Variants in ATG7 observed in about 807,000 individuals in gnomAD.
ATG7 encodes the protein autophagy related 7, also known as ubiquitin-like modifier-activating enzyme ATG7.
In ATG7, 70 loss-of-function variants were observed where a neutral mutation model predicts 82.4. That is an observed-to-expected ratio of 0.85 (90% CI 0.70 to 1.04). The LOEUF (loss-of-function observed/expected upper bound fraction) is 1.04. ATG7 is among the 50% of genes least tolerant of loss of function. The probability of loss-of-function intolerance (pLI) is 0.00; values close to 1 mark genes in which losing one functional copy is unlikely to be tolerated. For missense variants in ATG7, 792 were observed against 864.3 expected (o/e 0.92, Z 1.05); for synonymous variants, 287 against 313.0 (o/e 0.92, Z 0.88).
At chr3:11,410,340 A>T (rs538213139) in intron 19 of ATG7, among the ~76,000 whole-genome samples, 312 of 152,024 alleles carry the variant, frequency 2.1e-3, no homozygotes, top group African/African-American at 6.9e-3. Context: ...ATTTTTTTTT[A>T]AATTAAAATT....
intron 20 of ATG7, among the ~76,000 whole-genome samples, chr3:11,471,079 T>A (rs1473481785): frequency 3.3e-5 from 5 of 152,250 alleles, no homozygotes; most frequent in African/African-American, 9.6e-5. Context: ...AGCCCAGCCC[T>A]TAGTCTCTGT....
At chr3:11,337,582 G>C (rs1220424070) in intron 11 of ATG7, among the ~76,000 whole-genome samples, 5 of 151,890 alleles carry the variant, frequency 3.3e-5, no homozygotes, top group African/African-American at 1.2e-4. Context: ...TGCCATATGT[G>C]TTATTTTTTT....
intron 20 of ATG7, among the ~76,000 whole-genome samples, chr3:11,495,593 G>C (rs772636432): frequency 1.3e-5 from 2 of 152,150 alleles, no homozygotes; most frequent in Non-Finnish European, 2.9e-5. Flanking sequence ...AAGACAAACT[G>C]TTTAGGAGAT....
intron 20 of ATG7, among the ~76,000 whole-genome samples, chr3:11,549,509 C>T (rs1051412647): frequency 2.0e-5 from 3 of 152,312 alleles, no homozygotes; most frequent in Admixed American, 6.5e-5. Flanking sequence ...CCATTCCCCA[C>T]CCCTTCCAGT....
chr3:11,418,543 T>C (rs186578940), intron 19 of ATG7, among the ~76,000 whole-genome samples: 16 of 152,340 alleles, frequency 1.1e-4, no homozygotes, highest in Admixed American at 9.2e-4. Context: ...GGCCTCCCTA[T>C]AACTAGGTCC....
chr3:11,319,515 G>A (rs1430476498), intron 9 of ATG7, among the ~76,000 whole-genome samples: 1 of 152,080 alleles, frequency 6.6e-6, no homozygotes, highest in African/African-American at 2.4e-5. Context: ...TCTCTTCTGG[G>A]TTATCTCATT....
chr3:11,489,189 T>A (rs1361572442), intron 20 of ATG7, among the ~76,000 whole-genome samples: 1 of 152,254 alleles, frequency 6.6e-6, no homozygotes, highest in Non-Finnish European at 1.5e-5. Flanking sequence ...AGCTGTATGC[T>A]GGGAGAACCA....
At chr3:11,390,813 C>T (rs1267408119) in intron 19 of ATG7, among the ~76,000 whole-genome samples, 3 of 152,058 alleles carry the variant, frequency 2.0e-5, no homozygotes, top group Non-Finnish European at 4.4e-5. Context: ...CAAATGAGAA[C>T]GTTAGAAGGG....
At chr3:11,424,166 G>A (rs2082171281) in intron 19 of ATG7, among the ~76,000 whole-genome samples, 1 of 152,032 alleles carries the variant, frequency 6.6e-6, no homozygotes, top group African/African-American at 2.4e-5. Context: ...CCTGCCCCTG[G>A]GGGAGAGCTG....
At chr3:11,446,812 T>C (rs1446143246) in intron 20 of ATG7, 2 of 189,750 alleles carry the variant, frequency 1.1e-5, no homozygotes, top group Non-Finnish European at 2.2e-5. Flanking sequence ...TTGAAATCAC[T>C]GGTCTCCTGG....
intron 20 of ATG7, among the ~76,000 whole-genome samples, chr3:11,489,049 GGT>G (rs1226048961): frequency 0.011 from 1,722 of 152,174 alleles, 30 homozygotes; most frequent in African/African-American, 0.039. Flanking sequence ...CTTTTTGGTT[GGT>G]AAGCTATTGA....
At chr3:11,510,440 T>G (rs2091994130) in intron 20 of ATG7, 3 of 367,436 alleles carry the variant, frequency 8.2e-6, no homozygotes, top group Admixed American at 6.8e-5. Flanking sequence ...ATTCGAGGTC[T>G]TCTTTCTCCC....
chr3:11,572,700 G>A, the ATG7 span, among the ~76,000 whole-genome samples: 1 of 152,140 alleles, frequency 6.6e-6, no homozygotes, highest in East Asian at 1.9e-4. Context: ...TTGTACAACC[G>A]TGTCTTTCCC....
chr3:11,558,676 C>T (rs868751924), downstream of ATG7: 8 of 1,613,714 alleles, frequency 5.0e-6, no homozygotes, highest in Middle Eastern at 8.2e-4. Context: ...CCGCTTTGAT[C>T]TGGAGCCACG....
chr3:11,429,693 A>T (rs567720480), intron 20 of ATG7, among the ~76,000 whole-genome samples: 4 of 152,202 alleles, frequency 2.6e-5, no homozygotes, highest in African/African-American at 7.2e-5. Context: ...CATGCCTCTA[A>T]TCCTAGCACT....
chr3:11,380,120 A>G, intron 19 of ATG7, 68 bp downstream of exon 19: 1 of 1,483,042 alleles, frequency 6.7e-7, no homozygotes, highest in South Asian at 1.1e-5. Context: ...CCGCAGCCTC[A>G]CCAGCTGGAG....
intron 9 of ATG7, among the ~76,000 whole-genome samples, chr3:11,318,970 G>A (rs1326115124): frequency 6.6e-6 from 1 of 152,186 alleles, no homozygotes; most frequent in East Asian, 1.9e-4. Flanking sequence ...AGTAATTGTT[G>A]ATTTGCTTTT....
intron 20 of ATG7, among the ~76,000 whole-genome samples, chr3:11,513,210 G>T (rs2092140736): frequency 6.6e-6 from 1 of 152,252 alleles, no homozygotes; most frequent in African/African-American, 2.4e-5. Flanking sequence ...CGGGGCTGCA[G>T]GTGGAGCTGC....
chr3:11,329,302 C>T (rs1951314618), intron 9 of ATG7, among the ~76,000 whole-genome samples: 1 of 152,144 alleles, frequency 6.6e-6, no homozygotes, highest in African/African-American at 2.4e-5. Flanking sequence ...TGATACTATA[C>T]CAAGCATTGT....
Sources: allele counts gnomAD v4.1 joint callset (sites outside exome capture counted in the v4.1 genomes callset), GRCh38; gene constraint gnomAD v4.1.1; transcripts MANE v1.5; gene names NCBI Gene and HGNC (gene_info 2026-07-23, HGNC 2026-07-21).